The following ANKDD1A variants were observed in gnomAD, a reference collection of about 807,000 sequenced individuals.
The protein encoded by ANKDD1A is ankyrin repeat and death domain-containing protein 1A.
In ANKDD1A, 59 loss-of-function variants were observed where a neutral mutation model predicts 63.5. The observed-to-expected ratio is 0.93, with a 90% CI of 0.75 to 1.15. The LOEUF (loss-of-function observed/expected upper bound fraction) is 1.15, where lower values mean the gene tolerates loss of function less well. Among genes scored for constraint, ANKDD1A ranks in the 50% most tolerant of loss-of-function variants. ANKDD1A has a pLI of 0.00. For missense variants in ANKDD1A, 632 were observed against 656.4 expected, an observed-to-expected ratio of 0.96 and a Z score of 0.41; for synonymous variants, 266 against 263.9, an observed-to-expected ratio of 1.01 and a Z score of -0.08.
intron 14 of ANKDD1A, among the ~76,000 whole-genome samples, chr15:64,952,052 C>T (rs964395257): frequency 1.6e-5 from 2 of 128,574 alleles, no homozygotes; most frequent in African/African-American, 2.8e-5. Context: ...CTTCTTTCTT[C>T]TTCTTAGTTC....
chr15:64,913,993 C>CT (rs151279671), intron 1 of ANKDD1A: 122 of 145,144 alleles, frequency 8.4e-4, no homozygotes, highest in African/African-American at 1.0e-3. Flanking sequence ...TTTCTGTTTT[C>CT]TTTTTTTTTT....
rs2085233056 is a variant in ANKDD1A at position 64,947,488 on chromosome 15, T to C, written c.1246T>C (p.Trp416Arg). 1.9e-6 allele frequency: 3 copies of C among 1,613,806 alleles called. No homozygotes were observed. Among genetic ancestry groups the C allele is most frequent in the East Asian group, 2.2e-5 (1 of 44,876 alleles). Reference sequence around the variant, plus strand: ...AACACAGCAGCTCCGTTCTGTGCTGTGGCGGCTGGCCTCCAGGTATCTGCA... The same window carrying C: ...AACACAGCAGCTCCGTTCTGTGCTGCGGCGGCTGGCCTCCAGGTATCTGCA... ...QETQQLRSVL[W>R]RLASRYLQPR... is the part of the protein sequence containing the mutation. The change falls in exon 13 of 15, where the codon TGG (tryptophan) becomes CGG (arginine). Residue 416 changes from tryptophan (W) to arginine (R), a missense_variant. Coordinates refer to ENST00000319580, the MANE Select transcript of ANKDD1A (RefSeq NM_182703.6).
intron 14 of ANKDD1A, among the ~76,000 whole-genome samples, chr15:64,951,720 C>CGTTCTTCCTTTCTTTTCCTTT (rs1276132353): frequency 7.3e-6 from 1 of 136,252 alleles, no homozygotes; most frequent in Admixed American, 7.6e-5. Flanking sequence ...TCTTTTTCTT[C>CGTTCTTCCTTTCTTTTCCTTT]CCTTTTCTTC....
intron 10 of ANKDD1A, 105 bp from the exon 11 acceptor site, chr15:64,943,379 A>G (rs1420506092): frequency 5.5e-6 from 5 of 901,126 alleles, no homozygotes; most frequent in African/African-American, 5.0e-5. Context: ...TGCATTAAAG[A>G]AAAGACTAGA....
At position 64,952,106 on chromosome 15, in the gene ANKDD1A, TTTC is replaced by T. The variant is rs200629640; in HGVS notation, c.1483+2143_1483+2145del. Among the ~76,000 whole-genome samples the T allele has an allele frequency of 6.0e-3, 145 of 24,046 alleles. No homozygotes were observed. The East Asian group carries it at 0.13, about 22-fold the overall frequency. The allele number at this position is 24,046 out of a possible 152,430, so 15.8% of individuals were successfully genotyped here. A position where few individuals can be genotyped will look rare whatever the true frequency, so the allele number is the denominator to read the frequency against. ...TTCTTTTCTTCCTCTTCTTCCTTCTTTTCTTCTTCTTTCTTCTCTTTCTTCTTC... is the reference window on the plus strand; with the variant it reads ...TTCTTTTCTTCCTCTTCTTCCTTCTTTTCTTCTTTCTTCTCTTTCTTCTTC... On this transcript the variant is annotated intron_variant, in intron 14 of 14. Transcript: ENST00000319580.
In ANKDD1A at chr15:64,943,576, A is replaced by C; in HGVS notation, c.1059A>C (p.Arg353Ser). Residue 353 changes from arginine (R) to serine (S), a missense_variant, in exon 11 of 15, where the codon AGA becomes AGC. Arg to Ser is a moderately radical substitution (Grantham distance 110, BLOSUM62 -1). Coordinates refer to ENST00000319580, the MANE Select transcript of ANKDD1A (RefSeq NM_182703.6). Reference sequence around the variant, plus strand: ...TTGCTGGGGTTGACTTAAACCTGAGAGATAAGGTACCTCTGCTTACAACCC... The same window carrying C: ...TTGCTGGGGTTGACTTAAACCTGAGCGATAAGGTACCTCTGCTTACAACCC... ...LLIAGVDLNL[R>S]DKQGKTALAV... 1 of 1,614,100 alleles carries C rather than the reference A, an allele frequency of 6.2e-7. No individual in the cohort carries two copies. The highest frequency in any genetic ancestry group is 1.3e-5 in the African/African-American group (1 of 75,054).
At chr15:64,957,026 A>G (rs1190870452) in intron 14 of ANKDD1A, 77 bp from the exon 15 acceptor site, 1 of 441,540 alleles carries the variant, frequency 2.3e-6, no homozygotes, top group African/African-American at 2.1e-5. Flanking sequence ...CTCTTACTCT[A>G]AATCTTTCTG....
chr15:64,947,803 C>T (rs1165364029), intron 13 of ANKDD1A, among the ~76,000 whole-genome samples: 1 of 152,246 alleles, frequency 6.6e-6, no homozygotes, highest in Non-Finnish European at 1.5e-5. Context: ...GTGAATTTCA[C>T]ATTCTTCACC....
rs1018801030 is a variant in ANKDD1A at position 64,957,800 on chromosome 15, A to C, written c.*612A>C. The C allele has an allele frequency of 6.6e-6, 1 of 152,228 alleles. No individual in the cohort carries two copies. The highest frequency in any genetic ancestry group is 2.1e-4 in the South Asian group (1 of 4,836). 9.4% of individuals were successfully genotyped at this position (152,228 alleles called of 1,614,324 possible). ...CTGCTCTCAGTGAAGCATTTTATTA[A>C]AAGAATAATTATAATTAAAAAAACA... On this transcript the variant is annotated 3_prime_UTR_variant, in exon 15 of 15. Coordinates refer to ENST00000319580, the MANE Select transcript of ANKDD1A (RefSeq NM_182703.6).
intron 4 of ANKDD1A, among the ~76,000 whole-genome samples, chr15:64,923,987 A>G (rs747236595): frequency 9.8e-5 from 15 of 152,356 alleles, no homozygotes; most frequent in Admixed American, 2.0e-4. Flanking sequence ...TTGGCAACAA[A>G]TCACTCTAAA....
At chr15:64,932,379 G>A (rs1348221073) in intron 8 of ANKDD1A, 2 of 152,238 alleles carry the variant, frequency 1.3e-5, no homozygotes, top group African/African-American at 4.8e-5. Context: ...CCTGACTCCA[G>A]AGCTCCCACC....
At chr15:64,931,891 G>GT (rs1351281649) in intron 8 of ANKDD1A, 4 of 504,982 alleles carry the variant, frequency 7.9e-6, no homozygotes, top group Admixed American at 3.3e-5. Context: ...ACCTGTTAGT[G>GT]TTTTTTTGTT....
At chr15:64,938,738 G>A (rs1237314753) in intron 9 of ANKDD1A, among the ~76,000 whole-genome samples, 2 of 151,402 alleles carry the variant, frequency 1.3e-5, no homozygotes, top group African/African-American at 4.9e-5. Flanking sequence ...GATCACTTGA[G>A]GTCAGAAGTT....
chr15:64,926,578 CTT>C (rs1301441065), intron 5 of ANKDD1A, among the ~76,000 whole-genome samples: 1 of 152,004 alleles, frequency 6.6e-6, no homozygotes, highest in African/African-American at 2.4e-5. Flanking sequence ...GGACTGGAAT[CTT>C]AGGAGGGAAG....
chr15:64,929,781 C>A (rs2085074720), intron 6 of ANKDD1A, among the ~76,000 whole-genome samples: 1 of 152,126 alleles, frequency 6.6e-6, no homozygotes, highest in African/African-American at 2.4e-5. Context: ...CTTCAGAGAA[C>A]AAAATAGATG....
intron 6 of ANKDD1A, among the ~76,000 whole-genome samples, chr15:64,928,779 C>T (rs770619825): frequency 7.9e-5 from 12 of 152,232 alleles, no homozygotes; most frequent in East Asian, 1.9e-4. Flanking sequence ...GAGAGGGCCC[C>T]GGGCCCACGC....
intron 14 of ANKDD1A, chr15:64,950,412 A>G: frequency 1.6e-5 from 16 of 985,422 alleles, no homozygotes; most frequent in Non-Finnish European, 1.9e-5. Context: ...ATCACAACTT[A>G]TTTGAGTATG....
chr15:64,931,764 C>A, intron 8 of ANKDD1A, 179 bp downstream of exon 8: 1 of 637,438 alleles, frequency 1.6e-6, no homozygotes. Context: ...AGTTACTTAA[C>A]CTCTCTGAGC....
chr15:64,935,623 C>T (rs1007124621), intron 9 of ANKDD1A, among the ~76,000 whole-genome samples: 30 of 151,754 alleles, frequency 2.0e-4, no homozygotes, highest in Non-Finnish European at 3.4e-4. Context: ...TGCAGTGAGC[C>T]GAGATCGCAC....
Sources: gnomAD v4.1 joint callset for allele counts (sites outside exome capture counted in the v4.1 genomes callset) on GRCh38, gnomAD v4.1.1 for gene constraint, MANE v1.5 for transcripts, NCBI Gene and HGNC (gene_info 2026-07-23, HGNC 2026-07-21) for gene names.